Variants in TRPM3 observed in about 807,000 individuals in gnomAD.
TRPM3 encodes transient receptor potential cation channel subfamily M member 3, also known as long transient receptor potential channel 3.
A neutral mutation model predicts 181.2 loss-of-function variants in TRPM3; 77 were observed. The ratio of observed to expected loss-of-function variants is 0.42; its 90% CI spans 0.35 to 0.51. TRPM3 has a LOEUF of 0.51. Among genes scored for constraint, TRPM3 ranks in the 20% least tolerant of loss-of-function variants. The pLI, the probability that TRPM3 is intolerant of heterozygous loss-of-function variation, is 0.01. For missense variants in TRPM3, 1,759 were observed against 2,196.7 expected, an observed-to-expected ratio of 0.80 and a Z score of 3.98; for synonymous variants, 745 against 796.4, an observed-to-expected ratio of 0.94 and a Z score of 1.09.
Position 70,535,301 on chromosome 9 carries a change from C to A in TRPM3, c.*652G>T. 9.6e-7 allele frequency: 1 copy of A among 1,037,790 alleles called. No individual in the cohort carries two copies. 64.3% of individuals were successfully genotyped at this position (1,037,790 alleles called of 1,614,324 possible). The stretch of plus-strand genomic sequence containing the variant: ...CAAAAAAGGATAAACAGTTGTGGCA[C>A]CAGAAGTGAATAGATAAGAGACAGG... On this transcript the variant is annotated 3_prime_UTR_variant, in exon 26 of 26. Coordinates refer to ENST00000677713, the MANE Select transcript of TRPM3 (RefSeq NM_001366145.2).
chr9:71,032,062 A>AT (rs369952863), intron 1 of TRPM3, among the ~76,000 whole-genome samples: 16 of 7,260 alleles, frequency 2.2e-3, no homozygotes, highest in Admixed American at 3.6e-3. Flanking sequence ...TATATATTAT[A>AT]TATATTATAT....
At chr9:70,626,146 A>T (rs1408245258) in intron 12 of TRPM3, among the ~76,000 whole-genome samples, 1 of 152,240 alleles carries the variant, frequency 6.6e-6, no homozygotes, top group Non-Finnish European at 1.5e-5. Context: ...ATGCAAAAAT[A>T]GTAAAGATTT....
chr9:70,997,392 T>TC (rs2097550201), intron 1 of TRPM3, among the ~76,000 whole-genome samples: 1 of 152,172 alleles, frequency 6.6e-6, no homozygotes, highest in Admixed American at 6.5e-5. Context: ...AGACAGGGTT[T>TC]CACCACGTTA....
At chr9:71,174,464 T>A (rs549313442) in intron 1 of TRPM3, among the ~76,000 whole-genome samples, 54 of 152,082 alleles carry the variant, frequency 3.6e-4, no homozygotes, top group Non-Finnish European at 7.2e-4. Context: ...ATCAGTTGAA[T>A]CTGGAGGTGG....
chr9:70,980,725 C>T (rs1285401233), intron 1 of TRPM3, among the ~76,000 whole-genome samples: 1 of 152,190 alleles, frequency 6.6e-6, no homozygotes, highest in Non-Finnish European at 1.5e-5. Context: ...TCTTTAACTA[C>T]TTTACCTTGA....
intron 1 of TRPM3, among the ~76,000 whole-genome samples, chr9:70,966,721 C>A (rs914505022): frequency 2.6e-5 from 4 of 151,780 alleles, no homozygotes; most frequent in African/African-American, 9.7e-5. Context: ...GAGGGGAACA[C>A]CACACATTGG....
intron 11 of TRPM3, among the ~76,000 whole-genome samples, chr9:70,636,783 G>T (rs1001996002): frequency 2.0e-5 from 3 of 151,642 alleles, no homozygotes; most frequent in Admixed American, 2.0e-4. Flanking sequence ...CACCTCCAGG[G>T]TTCAAGATAT....
At chr9:70,631,761 C>T (rs1211246471) in intron 12 of TRPM3, among the ~76,000 whole-genome samples, 2 of 152,114 alleles carry the variant, frequency 1.3e-5, no homozygotes, top group Non-Finnish European at 2.9e-5. Flanking sequence ...CCTCATTGCT[C>T]CTAGATTGTT....
chr9:70,957,538 A>G (rs1485639484), intron 1 of TRPM3, among the ~76,000 whole-genome samples: 2 of 152,164 alleles, frequency 1.3e-5, no homozygotes, highest in Non-Finnish European at 2.9e-5. Flanking sequence ...TTTCACACCT[A>G]TACCTCATAT....
chr9:71,262,439 T>G (rs1285310858), intron 1 of TRPM3, among the ~76,000 whole-genome samples: 2 of 152,180 alleles, frequency 1.3e-5, no homozygotes, highest in Non-Finnish European at 2.9e-5. Flanking sequence ...CAATGGATCT[T>G]AGCTTGCTGG....
chr9:71,225,309 G>C (rs1179035171), intron 1 of TRPM3, among the ~76,000 whole-genome samples: 1 of 151,874 alleles, frequency 6.6e-6, no homozygotes, highest in African/African-American at 2.4e-5. Flanking sequence ...TTACAGACCA[G>C]GCAAGAGTGG....
intron 8 of TRPM3, among the ~76,000 whole-genome samples, chr9:70,692,255 T>C (rs2068827542): frequency 6.6e-6 from 1 of 152,236 alleles, no homozygotes; most frequent in Non-Finnish European, 1.5e-5. Flanking sequence ...AGATGTGTTG[T>C]AGTTCACTTA....
intron 1 of TRPM3, among the ~76,000 whole-genome samples, chr9:71,360,301 A>G (rs1347972567): frequency 6.6e-6 from 1 of 152,186 alleles, no homozygotes; most frequent in East Asian, 1.9e-4. Context: ...ACGAGTCTCT[A>G]CCATTTTGGT....
chr9:71,030,543 C>A (rs1422230207), intron 1 of TRPM3, among the ~76,000 whole-genome samples: 3 of 147,442 alleles, frequency 2.0e-5, no homozygotes, highest in South Asian at 2.2e-4. Flanking sequence ...CCAGCCTGGG[C>A]AACAGAGTGA....
chr9:71,209,961 A>C (rs1487616822), intron 1 of TRPM3, among the ~76,000 whole-genome samples: 2 of 152,174 alleles, frequency 1.3e-5, no homozygotes, highest in Non-Finnish European at 2.9e-5. Context: ...CTACAGACAA[A>C]GTTTGCCAAC....
At chr9:71,199,275 C>G (rs955476101) in intron 1 of TRPM3, among the ~76,000 whole-genome samples, 2 of 151,864 alleles carry the variant, frequency 1.3e-5, no homozygotes, top group African/African-American at 4.8e-5. Context: ...TTCAGTTTGC[C>G]AGTATTTTAT....
At chr9:70,906,777 C>T (rs1224716195) in intron 1 of TRPM3, among the ~76,000 whole-genome samples, 1 of 152,172 alleles carries the variant, frequency 6.6e-6, no homozygotes, top group South Asian at 2.1e-4. Context: ...GTGGCAGGCA[C>T]CTATAATCCC....
At chr9:70,772,495 A>G (rs1415090450) in intron 7 of TRPM3, among the ~76,000 whole-genome samples, 2 of 151,670 alleles carry the variant, frequency 1.3e-5, no homozygotes, top group Admixed American at 6.6e-5. Flanking sequence ...CTAATTTTTC[A>G]TATTTTTTGT....
chr9:70,596,832 T>C (rs1488713894), intron 21 of TRPM3, among the ~76,000 whole-genome samples: 1 of 151,736 alleles, frequency 6.6e-6, no homozygotes, highest in Non-Finnish European at 1.5e-5. Context: ...GAGAAAAAAA[T>C]ACCTCACCGC....
Sources: gnomAD v4.1 joint callset for allele counts (sites outside exome capture counted in the v4.1 genomes callset) on GRCh38, gnomAD v4.1.1 for gene constraint, MANE v1.5 for transcripts, NCBI Gene and HGNC (gene_info 2026-07-23, HGNC 2026-07-21) for gene names.